Variants in AAK1 observed in about 807,000 individuals in gnomAD.
The protein encoded by AAK1 is AP2 associated kinase 1.
A neutral mutation model predicts 116.0 loss-of-function variants in AAK1; 37 were observed. The observed-to-expected ratio is 0.32, with a 90% CI of 0.25 to 0.42. The LOEUF (loss-of-function observed/expected upper bound fraction) is 0.42. AAK1 is among the 10% of genes least tolerant of loss of function. The probability of loss-of-function intolerance (pLI) is 1.00; values close to 1 mark genes in which losing one functional copy is unlikely to be tolerated. For synonymous variants in AAK1, 458 were observed against 439.9 expected (o/e 1.04, Z -0.51); for missense variants, 919 against 1,170.6 (o/e 0.79, Z 3.14).
chr2:69,643,660 G>A lies in AAK1; in HGVS notation c.-320C>T, dbSNP rs1251670517. On this transcript the variant is annotated 5_prime_UTR_variant, in exon 1 of 22. Transcript: ENST00000409085. Reference sequence around the variant, plus strand: ...GGCCGGCCTGCGACGCAGAGAAGAGGCGGCGCTGCAGCGAGAGCCGGGGCC... The same window carrying A: ...GGCCGGCCTGCGACGCAGAGAAGAGACGGCGCTGCAGCGAGAGCCGGGGCC... 2 of 1,226,370 alleles carry A rather than the reference G, an allele frequency of 1.6e-6. No homozygotes were observed. Among genetic ancestry groups the A allele is most frequent in the Non-Finnish European group, 2.0e-6 (2 of 984,592 alleles). The allele number at this position is 1,226,370 out of a possible 1,614,324, so 76.0% of individuals were successfully genotyped here.
At chr2:69,594,977 C>T in intron 2 of AAK1, 3 of 814,260 alleles carry the variant, frequency 3.7e-6, no homozygotes, top group South Asian at 2.6e-5. Context: ...GAATCCTTGC[C>T]CTTTTTACTG....
intron 5 of AAK1, among the ~76,000 whole-genome samples, chr2:69,534,839 A>C (rs1670395972): frequency 6.6e-6 from 1 of 152,234 alleles, no homozygotes; most frequent in African/African-American, 2.4e-5. Flanking sequence ...TTGGTAGGTA[A>C]TAATCACTGA....
intron 2 of AAK1, among the ~76,000 whole-genome samples, chr2:69,612,890 A>T (rs1384606224): frequency 1.3e-5 from 2 of 152,242 alleles, no homozygotes; most frequent in Non-Finnish European, 2.9e-5. Context: ...TTAAAGTATT[A>T]CCTGGAGAAG....
rs1421090687 is a variant in AAK1, at chr2:69,468,487, T to A, written c.*7382A>T. ...AGCACAATTTCTCATCTTCCAAAAC[T>A]ACCTTGAAAGTTGATGTTATTAAGC... is the stretch of plus-strand genomic sequence containing the variant. On this transcript the variant is annotated 3_prime_UTR_variant, in exon 22 of 22. Transcript: ENST00000409085. 1.0e-6 allele frequency: 1 copy of A among 985,280 alleles called. No homozygotes were observed. Among genetic ancestry groups the A allele is most frequent in the Non-Finnish European group, 1.2e-6 (1 of 829,926 alleles). 61.0% of individuals were successfully genotyped at this position (985,280 alleles called of 1,614,324 possible).
intron 2 of AAK1, among the ~76,000 whole-genome samples, chr2:69,616,435 T>C (rs1674331565): frequency 6.6e-6 from 1 of 152,200 alleles, no homozygotes; most frequent in African/African-American, 2.4e-5. Flanking sequence ...CATTTAACAA[T>C]AGAGTTCAAA....
At chr2:69,504,959 T>C (rs1676121655) in intron 16 of AAK1, among the ~76,000 whole-genome samples, 1 of 152,214 alleles carries the variant, frequency 6.6e-6, no homozygotes, top group Non-Finnish European at 1.5e-5. Context: ...CTAACTTTTA[T>C]ATAATCAAAA....
chr2:69,591,753 C>T (rs35767649), intron 2 of AAK1, among the ~76,000 whole-genome samples: 61,722 of 151,562 alleles, frequency 0.41, 14,181 homozygotes, highest in East Asian at 0.73. Flanking sequence ...GTATTTTTAG[C>T]AGAGACGGGG....
chr2:69,471,087 C>A lies in AAK1; in HGVS notation c.*4782G>T. On this transcript the variant is annotated 3_prime_UTR_variant, in exon 22 of 22. Coordinates refer to ENST00000409085, the MANE Select transcript of AAK1 (RefSeq NM_014911.5). ...ATGCTTTGTCTTCTTGGGAAGGACG[C>A]GTTAAAGACCTATGATAAACACACA... The A allele has an allele frequency of 1.0e-6, 1 of 985,700 alleles. No individual in the cohort carries two copies. The highest frequency in any genetic ancestry group is 1.2e-6 in the Non-Finnish European group (1 of 829,922). 61.1% of individuals were successfully genotyped at this position (985,700 alleles called of 1,614,324 possible). A position where few individuals can be genotyped will look rare whatever the true frequency, so the allele number is the denominator to read the frequency against.
At chr2:69,560,153 C>T (rs1398680767) in intron 2 of AAK1, among the ~76,000 whole-genome samples, 1 of 152,194 alleles carries the variant, frequency 6.6e-6, no homozygotes, top group Non-Finnish European at 1.5e-5. Flanking sequence ...AAAATCCACG[C>T]CTAACAGGAC....
intron 2 of AAK1, among the ~76,000 whole-genome samples, chr2:69,604,943 C>T (rs1045889935): frequency 2.0e-5 from 3 of 152,206 alleles, no homozygotes; most frequent in Admixed American, 2.0e-4. Context: ...ACTCTTCCCT[C>T]TCTGTCTCAA....
chr2:69,491,034 C>T lies in AAK1; in HGVS notation c.2365+4951G>A, dbSNP rs368461686. Among the ~76,000 whole-genome samples, 101 of 152,046 alleles carry T rather than the reference C, an allele frequency of 6.6e-4. No homozygotes were observed. The South Asian group carries it at 0.019, about 29-fold the overall frequency. On this transcript the variant is annotated intron_variant, in intron 17 of 21. Transcript: ENST00000409085. Reference sequence around the variant, plus strand: ...CTCATTGCAGCCTCAAACTCCTGGGCTCAAGGATCCTCCTGCCTCAGCCTC... The same window carrying T: ...CTCATTGCAGCCTCAAACTCCTGGGTTCAAGGATCCTCCTGCCTCAGCCTC...
Position 69,643,203 on chromosome 2 carries a change from T to A in AAK1, c.-163A>T, listed in dbSNP as rs1675827133. 2.1e-6 allele frequency: 3 copies of A among 1,429,036 alleles called. No homozygotes were observed. The highest frequency in any genetic ancestry group is 2.7e-6 in the Non-Finnish European group (3 of 1,100,636). The allele number at this position is 1,429,036 out of a possible 1,614,324, so 88.5% of individuals were successfully genotyped here. ...GGGGTGGGGGCTGAGGGAGGATGCC[T>A]ATAGGAATATGCGTGTCAATCGCGC... On this transcript the variant is annotated 5_prime_UTR_variant, in exon 2 of 22. Coordinates refer to ENST00000409085, the MANE Select transcript of AAK1 (RefSeq NM_014911.5).
chr2:69,505,655 A>G lies in AAK1; in HGVS notation c.2183T>C (p.Leu728Pro), dbSNP rs2104959781. The change falls in exon 16 of 22, where the codon CTT becomes CCT. Residue 728 changes from leucine to proline, a missense_variant. This residue lies in a region of AAK1 where 263 missense variants were observed against 285.5 expected (regional missense o/e 0.92). Coordinates refer to ENST00000409085, the MANE Select transcript of AAK1 (RefSeq NM_014911.5). ...GATCAAACTCTCAGCTGAGCCTCCA[A>G]GCTTCTCGGGATGTTTGCCTGGAGA... Reference protein sequence around the residue: ...KLGEGKHPEKLGGSAESLIPG... With the variant: ...KLGEGKHPEKPGGSAESLIPG... 17 of 1,613,560 alleles carry G rather than the reference A, an allele frequency of 1.1e-5. No homozygotes were observed. Among genetic ancestry groups the G allele is most frequent in the Non-Finnish European group, 1.4e-5 (17 of 1,179,644 alleles).
At chr2:69,629,594 TCAAA>T (rs1192085797) in intron 2 of AAK1, among the ~76,000 whole-genome samples, 2 of 152,230 alleles carry the variant, frequency 1.3e-5, no homozygotes, top group African/African-American at 2.4e-5. Context: ...GGTGAAGTCC[TCAAA>T]CACAGATCTA....
In AAK1 at chr2:69,467,291, T is replaced by C. The variant is rs1381664970; in HGVS notation, c.*8578A>G. The C allele has an allele frequency of 3.0e-6, 3 of 985,326 alleles. No individual in the cohort carries two copies. The highest frequency in any genetic ancestry group is 2.3e-4 in the East Asian group (2 of 8,832). 61.0% of individuals were successfully genotyped at this position (985,326 alleles called of 1,614,324 possible). A position where few individuals can be genotyped will look rare whatever the true frequency, so the allele number is the denominator to read the frequency against. ...CTTTAAGCAGAAGGAGTAAAATGCA[T>C]GGGCCATTACAGAAGCATTAGCAAA... On this transcript the variant is annotated 3_prime_UTR_variant, in exon 22 of 22. Coordinates refer to ENST00000409085, the MANE Select transcript of AAK1 (RefSeq NM_014911.5).
In AAK1 at chr2:69,465,256, C is replaced by A. The variant is rs115330329; in HGVS notation, c.*10613G>T. 2.0e-6 allele frequency: 1 copy of A among 490,864 alleles called. No homozygotes were observed. The highest frequency in any genetic ancestry group is 7.5e-5 in the East Asian group (1 of 13,332). 30.4% of individuals were successfully genotyped at this position (490,864 alleles called of 1,614,324 possible). A position where few individuals can be genotyped will look rare whatever the true frequency, so the allele number is the denominator to read the frequency against. Reference sequence around the variant, plus strand: ...TGAACATAACTTAAAGGGGCTTCAACTAAATATCACTGCAACTGAGTTTGT... The same window carrying A: ...TGAACATAACTTAAAGGGGCTTCAAATAAATATCACTGCAACTGAGTTTGT... On this transcript the variant is annotated 3_prime_UTR_variant, in exon 22 of 22. Coordinates refer to ENST00000409085, the MANE Select transcript of AAK1 (RefSeq NM_014911.5).
At chr2:69,623,131 A>G (rs537210286) in intron 2 of AAK1, among the ~76,000 whole-genome samples, 40 of 152,160 alleles carry the variant, frequency 2.6e-4, no homozygotes, top group Admixed American at 9.2e-4. Flanking sequence ...TGTAACACTC[A>G]CCGCAAAGGT....
At chr2:69,613,620 T>C (rs1376506133) in intron 2 of AAK1, among the ~76,000 whole-genome samples, 1 of 152,180 alleles carries the variant, frequency 6.6e-6, no homozygotes, top group Non-Finnish European at 1.5e-5. Flanking sequence ...CATACCTATG[T>C]AATAAAGCCT....
At chr2:69,639,746 G>A (rs757473539) in intron 2 of AAK1, among the ~76,000 whole-genome samples, 1 of 152,086 alleles carries the variant, frequency 6.6e-6, no homozygotes, top group Non-Finnish European at 1.5e-5. Context: ...TCCCTAAACT[G>A]CCTAGCCACC....
Sources: allele counts gnomAD v4.1 joint callset (sites outside exome capture counted in the v4.1 genomes callset), GRCh38; gene constraint gnomAD v4.1.1; regional missense constraint gnomAD v4.1.1; transcripts MANE v1.5; gene names NCBI Gene and HGNC (gene_info 2026-07-23, HGNC 2026-07-21).